Variants in SHPRH observed in about 807,000 individuals in gnomAD.
SHPRH encodes SNF2 histone linker PHD RING helicase.
SHPRH carries 106 observed loss-of-function variants against 202.5 expected under a neutral mutation model. That is an observed-to-expected ratio of 0.52 (90% confidence interval 0.45 to 0.62). The LOEUF (loss-of-function observed/expected upper bound fraction) is 0.62, where lower values mean the gene tolerates loss of function less well. Among genes scored for constraint, SHPRH ranks in the 20% least tolerant of loss-of-function variants. The probability of loss-of-function intolerance (pLI) is 0.00; values close to 1 mark genes in which losing one functional copy is unlikely to be tolerated. For synonymous variants in SHPRH, 729 were observed against 686.0 expected, an observed-to-expected ratio of 1.06 and a Z score of -0.98; for missense variants, 1,710 against 2,020.0, an observed-to-expected ratio of 0.85 and a Z score of 2.94.
At position 145,916,790 on chromosome 6, in the gene SHPRH, CTT is replaced by C. The variant is rs943413924; in HGVS notation, c.4254+1339_4254+1340del. Among the ~76,000 whole-genome samples, 7 of 149,268 alleles carry C rather than the reference CTT, an allele frequency of 4.7e-5. No individual in the cohort carries two copies. The Admixed American group carries it at 4.7e-4, about 10-fold the overall frequency. ...AATGTTGAGACATTTTTCCTGTTATCTTTTTTTTTTGAGATGGAATCTCGCTC... is the reference window on the plus strand; with the variant it reads ...AATGTTGAGACATTTTTCCTGTTATCTTTTTTTTGAGATGGAATCTCGCTC... On this transcript the variant is annotated intron_variant, in intron 23 of 29. Transcript: ENST00000275233.
chr6:145,888,826 T>C (rs995468354), intron 28 of SHPRH, among the ~76,000 whole-genome samples: 5 of 152,116 alleles, frequency 3.3e-5, no homozygotes, highest in African/African-American at 9.7e-5. Context: ...TCAGTGGAGA[T>C]AGCAGTCAAG....
intron 9 of SHPRH, 73 bp downstream of exon 9, chr6:145,943,070 A>G: frequency 6.8e-7 from 1 of 1,472,482 alleles, no homozygotes; most frequent in East Asian, 2.3e-5. Context: ...ACAAAGAAAC[A>G]AAGATTAGGA....
intron 11 of SHPRH, chr6:145,935,966 T>G (rs1185392956): frequency 6.6e-6 from 1 of 152,392 alleles, no homozygotes; most frequent in Non-Finnish European, 1.5e-5. Context: ...CACAGTGATA[T>G]TCATAGCAAC....
chr6:145,935,242 A>G (rs769957705), intron 12 of SHPRH, 36 bp downstream of exon 12: 13 of 1,610,434 alleles, frequency 8.1e-6, no homozygotes, highest in Non-Finnish European at 1.1e-5. Context: ...CTTTTCTCTT[A>G]TAGTACCTTT....
intron 11 of SHPRH, among the ~76,000 whole-genome samples, chr6:145,936,733 C>T (rs2128770531): frequency 6.6e-6 from 1 of 152,244 alleles, no homozygotes; most frequent in South Asian, 2.1e-4. Flanking sequence ...CCCACACCTA[C>T]AACACTTATT....
At chr6:145,869,840 C>A (rs1208249790) in intron 2 of SHPRH, among the ~76,000 whole-genome samples, 2 of 141,158 alleles carry the variant, frequency 1.4e-5, no homozygotes. Context: ...TTTTGCCTCT[C>A]CATATAAACT....
chr6:145,867,930 A>AAAAAC (rs1014313376), intron 2 of SHPRH, among the ~76,000 whole-genome samples: 3 of 152,100 alleles, frequency 2.0e-5, no homozygotes, highest in Non-Finnish European at 2.9e-5. Context: ...CTTCTAGACT[A>AAAAAC]AAAACAAAAC....
chr6:145,935,270 G>A lies in SHPRH; in HGVS notation c.2733+8C>T, dbSNP rs774505409. On this transcript the variant is annotated splice_region_variant and intron_variant, in intron 12 of 29. Transcript: ENST00000275233. ...GTACCTTTATCAATAAAAACTTATT[G>A]TACTGACTTGGTCAATCACATCTTT... The A allele has an allele frequency of 1.2e-6, 2 of 1,612,666 alleles. No homozygotes were observed. Among genetic ancestry groups the A allele is most frequent in the Non-Finnish European group, 1.7e-6 (2 of 1,179,690 alleles).
At chr6:145,860,880 A>C (rs1402939725), downstream of SHPRH, among the ~76,000 whole-genome samples, 1 of 152,150 alleles carries the variant, frequency 6.6e-6, no homozygotes, top group Non-Finnish European at 1.5e-5. Flanking sequence ...CAAGGATGCC[A>C]AGAATATACA....
chr6:145,953,826 T>C lies in SHPRH; in HGVS notation c.633+864A>G, dbSNP rs542497465. ...AATTAGAGCATTTAAATGATTCACA[T>C]AAAGTTATTTGGCCAGTGAATGACA... On this transcript the variant is annotated intron_variant, in intron 2 of 29. Coordinates refer to ENST00000275233, the MANE Select transcript of SHPRH (RefSeq NM_001042683.3). Among the ~76,000 whole-genome samples, 116 of 152,090 alleles carry C rather than the reference T, an allele frequency of 7.6e-4. 3 individuals are homozygous for C. In the South Asian group the frequency reaches 0.024, roughly 32 times the overall value.
rs561100063 is a variant in SHPRH at position 145,914,491 on chromosome 6, C to T, written c.4255-942G>A. Among the ~76,000 whole-genome samples, 5 of 152,250 alleles carry T rather than the reference C, an allele frequency of 3.3e-5. No individual in the cohort carries two copies. In the South Asian group the frequency reaches 1.0e-3, roughly 32 times the overall value. ...TCTGTGTTGTAACAACTCAATTCCA[C>T]TAATGTGGCATGAATGCAGCCACAG... On this transcript the variant is annotated intron_variant, in intron 23 of 29. Transcript: ENST00000275233.
At chr6:145,926,012 A>G (rs1784844670) in intron 16 of SHPRH, among the ~76,000 whole-genome samples, 192 bp downstream of exon 16, 1 of 152,014 alleles carries the variant, frequency 6.6e-6, no homozygotes, top group Non-Finnish European at 1.5e-5. Context: ...GTAGATCAGC[A>G]GAGAAGCCAA....
intron 1 of SHPRH, among the ~76,000 whole-genome samples, chr6:145,962,538 G>A (rs557622011): frequency 3.7e-4 from 56 of 152,224 alleles, no homozygotes; most frequent in African/African-American, 1.3e-3. Context: ...CAGAAAACAA[G>A]GATGGAATGC....
At chr6:145,927,771 T>C (rs969119245) in intron 14 of SHPRH, among the ~76,000 whole-genome samples, 2 of 151,976 alleles carry the variant, frequency 1.3e-5, no homozygotes, top group African/African-American at 4.8e-5. Context: ...GTAGCTATTA[T>C]TGTTCTTGGT....
chr6:145,930,474 C>T (rs1785322129), intron 14 of SHPRH, among the ~76,000 whole-genome samples: 1 of 152,096 alleles, frequency 6.6e-6, no homozygotes, highest in Admixed American at 6.6e-5. Flanking sequence ...CTCCTACTTT[C>T]CCTTTTATTT....
Position 145,910,640 on chromosome 6 carries a change from A to C in SHPRH, c.4327-4T>G. 1 of 1,598,086 alleles carries C rather than the reference A, an allele frequency of 6.3e-7. No homozygotes were observed. The highest frequency in any genetic ancestry group is 8.5e-7 in the Non-Finnish European group (1 of 1,169,844). On this transcript the variant is annotated splice_region_variant and splice_polypyrimidine_tract_variant and intron_variant, in intron 24 of 29. Coordinates refer to ENST00000275233, the MANE Select transcript of SHPRH (RefSeq NM_001042683.3). Reference sequence around the variant, plus strand: ...GACCACAGGTCAGTACCGCCCACTAAAAAGAAAACAGAACAAGCCTTAGTG... The same window carrying C: ...GACCACAGGTCAGTACCGCCCACTACAAAGAAAACAGAACAAGCCTTAGTG...
rs761114519 is a variant in SHPRH at position 145,943,634 on chromosome 6, A to C, written c.1747T>G (p.Ser583Ala). 2 of 1,613,656 alleles carry C rather than the reference A, an allele frequency of 1.2e-6. No individual in the cohort carries two copies. The highest frequency in any genetic ancestry group is 2.7e-5 in the African/African-American group (2 of 74,852). Reference protein sequence around the residue: ...RSKLRKKLVPSTKKGKSQPFI... With the variant: ...RSKLRKKLVPATKKGKSQPFI... Reference sequence around the variant, plus strand: ...GGTTGACTTTTTCCTTTTTTTGTGGATGGAACAAGCTTTTTCCTCAATTTA... The same window carrying C: ...GGTTGACTTTTTCCTTTTTTTGTGGCTGGAACAAGCTTTTTCCTCAATTTA... The change falls in exon 9 of 30, where the codon TCC (serine) becomes GCC (alanine). Residue 583 changes from serine (S) to alanine (A), a missense_variant. Ser to Ala is a moderately conservative substitution (Grantham distance 99). Transcript: ENST00000275233.
chr6:145,890,482 A>G (rs1781480558), intron 28 of SHPRH, among the ~76,000 whole-genome samples: 2 of 151,998 alleles, frequency 1.3e-5, no homozygotes, highest in South Asian at 4.2e-4. Context: ...TTTGAGGTAC[A>G]TTTTTCACTT....
At chr6:145,887,535 T>TTG (rs1781161815) in intron 29 of SHPRH, among the ~76,000 whole-genome samples, 1 of 136,782 alleles carries the variant, frequency 7.3e-6, no homozygotes, top group African/African-American at 3.2e-5. Flanking sequence ...ACAAGTTTGT[T>TTG]TTTTTTTTTT....
Sources: gnomAD v4.1 joint callset for allele counts (sites outside exome capture counted in the v4.1 genomes callset) on GRCh38, gnomAD v4.1.1 for gene constraint, MANE v1.5 for transcripts, NCBI Gene and HGNC (gene_info 2026-07-23, HGNC 2026-07-21) for gene names.